The following DNER variants were observed in gnomAD, a reference collection of about 807,000 sequenced individuals.
DNER encodes delta and Notch-like epidermal growth factor-related receptor.
A neutral mutation model predicts 78.2 loss-of-function variants in DNER; 33 were observed. That is an observed-to-expected ratio of 0.42 (90% CI 0.32 to 0.56). The LOEUF is 0.56. DNER is among the 20% of genes least tolerant of loss of function. The pLI, the probability that DNER is intolerant of heterozygous loss-of-function variation, is 0.11. For missense variants in DNER, 918 were observed against 975.3 expected, an observed-to-expected ratio of 0.94 and a Z score of 0.78; for synonymous variants, 417 against 384.8, an observed-to-expected ratio of 1.08 and a Z score of -0.98.
chr2:229,564,661 C>CCCCGTCACCATCATCATCATCAT (rs1697065753), intron 4 of DNER, among the ~76,000 whole-genome samples: 1 of 149,556 alleles, frequency 6.7e-6, no homozygotes. Context: ...ATCATCATCA[C>CCCCGTCACCATCATCATCATCAT]CCCGTCACCA....
intron 7 of DNER, among the ~76,000 whole-genome samples, chr2:229,466,978 T>G (rs1694818366): frequency 6.6e-6 from 1 of 152,180 alleles, no homozygotes; most frequent in African/African-American, 2.4e-5. Flanking sequence ...AGCATAAATT[T>G]CTTTGGTCAT....
chr2:229,360,045 C>T (rs1417726036), intron 12 of DNER, among the ~76,000 whole-genome samples: 1 of 152,212 alleles, frequency 6.6e-6, no homozygotes, highest in African/African-American at 2.4e-5. Context: ...AGGCTCTAGC[C>T]TGCAGTTTGT....
intron 1 of DNER, among the ~76,000 whole-genome samples, chr2:229,675,592 C>T (rs1206194037): frequency 6.6e-6 from 1 of 152,110 alleles, no homozygotes. Context: ...TCCCTGGAGG[C>T]TAATCATCCA....
intron 6 of DNER, among the ~76,000 whole-genome samples, chr2:229,480,784 C>G (rs755343484): frequency 1.3e-5 from 2 of 152,206 alleles, no homozygotes; most frequent in Non-Finnish European, 2.9e-5. Flanking sequence ...GGTCCATATT[C>G]AACACTTTGT....
chr2:229,697,565 G>A (rs1250425091), intron 1 of DNER, among the ~76,000 whole-genome samples: 1 of 152,232 alleles, frequency 6.6e-6, no homozygotes, highest in Non-Finnish European at 1.5e-5. Context: ...GAGAATTGGA[G>A]ATATGGGATG....
intron 10 of DNER, among the ~76,000 whole-genome samples, chr2:229,405,328 G>GT: frequency 2.6e-5 from 4 of 152,250 alleles, no homozygotes; most frequent in Admixed American, 2.6e-4. Context: ...ATGTTTGTTT[G>GT]TTTTTTCTCC....
chr2:229,505,381 G>C lies in DNER; in HGVS notation c.1147+7402C>G, dbSNP rs543153409. Among the ~76,000 whole-genome samples, 16 of 152,276 alleles carry C rather than the reference G, an allele frequency of 1.1e-4. No individual in the cohort carries two copies. In the East Asian group the frequency reaches 2.9e-3, roughly 28 times the overall value. ...GATAGATGAGCAAAGAGGGAGTTAT[G>C]ATGCCAAGGTAACATTCCTAAATCT... On this transcript the variant is annotated intron_variant, in intron 6 of 12. Transcript: ENST00000341772.
intron 5 of DNER, among the ~76,000 whole-genome samples, chr2:229,539,476 C>T (rs560878759): frequency 3.9e-5 from 6 of 152,346 alleles, no homozygotes; most frequent in African/African-American, 1.2e-4. Flanking sequence ...TTCTGGGTCA[C>T]ACAATCTGTG....
At chr2:229,465,122 C>T (rs1437042808) in intron 7 of DNER, among the ~76,000 whole-genome samples, 2 of 152,148 alleles carry the variant, frequency 1.3e-5, no homozygotes. Flanking sequence ...TATAAAGATG[C>T]ATGCATGTGT....
intron 1 of DNER, among the ~76,000 whole-genome samples, chr2:229,653,713 T>C (rs1210939358): frequency 6.6e-6 from 1 of 152,214 alleles, no homozygotes; most frequent in Non-Finnish European, 1.5e-5. Flanking sequence ...CCAGCTCCCA[T>C]TAAGTTTCCG....
chr2:229,519,087 T>C (rs1236136735), intron 5 of DNER, among the ~76,000 whole-genome samples: 1 of 152,174 alleles, frequency 6.6e-6, no homozygotes. Flanking sequence ...GCCTTCTAAT[T>C]TATATATTCC....
intron 8 of DNER, among the ~76,000 whole-genome samples, chr2:229,418,984 C>A (rs189198579): frequency 1.7e-3 from 252 of 151,962 alleles, no homozygotes; most frequent in Non-Finnish European, 2.9e-3. Flanking sequence ...ATCTGTATTT[C>A]CTTTTCAAGT....
At chr2:229,459,141 G>A (rs1035884753) in intron 7 of DNER, among the ~76,000 whole-genome samples, 3 of 152,010 alleles carry the variant, frequency 2.0e-5, no homozygotes, top group Admixed American at 6.6e-5. Context: ...CATATACCAC[G>A]TTGATGGGTT....
At chr2:229,555,288 G>C (rs536040942) in intron 4 of DNER, among the ~76,000 whole-genome samples, 1 of 152,278 alleles carries the variant, frequency 6.6e-6, no homozygotes, top group Admixed American at 6.5e-5. Context: ...TGCCTCTTCT[G>C]TGGTGCTTTC....
At chr2:229,375,987 G>A (rs1198349728) in intron 11 of DNER, among the ~76,000 whole-genome samples, 1 of 152,082 alleles carries the variant, frequency 6.6e-6, no homozygotes, top group Non-Finnish European at 1.5e-5. Flanking sequence ...GTTTTATAAG[G>A]GGTTCTTCCC....
intron 7 of DNER, among the ~76,000 whole-genome samples, chr2:229,465,161 C>G (rs1305125787): frequency 6.6e-6 from 1 of 152,078 alleles, no homozygotes; most frequent in Admixed American, 6.5e-5. Flanking sequence ...TTCACAATAG[C>G]AAAGACATGG....
intron 6 of DNER, among the ~76,000 whole-genome samples, chr2:229,508,677 C>T (rs967649087): frequency 4.6e-5 from 7 of 151,950 alleles, no homozygotes; most frequent in Admixed American, 6.6e-5. Context: ...GTCAGGAGAT[C>T]GAGACCATCC....
At chr2:229,576,930 T>G (rs1356616702) in intron 4 of DNER, among the ~76,000 whole-genome samples, 1 of 151,994 alleles carries the variant, frequency 6.6e-6, no homozygotes, top group Non-Finnish European at 1.5e-5. Flanking sequence ...GGCCTTGGTA[T>G]CTAAGAAGAG....
At chr2:229,394,984 G>T (rs1347222785) in intron 10 of DNER, among the ~76,000 whole-genome samples, 1 of 152,150 alleles carries the variant, frequency 6.6e-6, no homozygotes, top group African/African-American at 2.4e-5. Context: ...ACTTCTGACA[G>T]TCTGGGATCC....
Sources: allele counts gnomAD v4.1 joint callset (sites outside exome capture counted in the v4.1 genomes callset), GRCh38; gene constraint gnomAD v4.1.1; transcripts MANE v1.5; gene names NCBI Gene and HGNC (gene_info 2026-07-23, HGNC 2026-07-21).